The following RFX7 variants were observed in gnomAD, a reference collection of about 807,000 sequenced individuals.
RFX7 encodes DNA-binding protein RFX7.
Under a neutral mutation model 111.8 loss-of-function variants are expected in RFX7, and 26 were observed. The observed-to-expected ratio is 0.23, with a 90% CI of 0.17 to 0.32. The LOEUF (loss-of-function observed/expected upper bound fraction) is 0.32. Ranked by LOEUF, RFX7 falls within the 10% of genes least tolerant of loss-of-function variation. RFX7 has a pLI of 1.00. For synonymous variants in RFX7, 624 were observed against 624.4 expected (o/e 1.00, Z 0.01); for missense variants, 1,573 against 1,772.9 (o/e 0.89, Z 2.02).
intron 2 of RFX7, among the ~76,000 whole-genome samples, chr15:56,217,870 C>A (rs1482154018): frequency 1.3e-5 from 2 of 152,064 alleles, no homozygotes; most frequent in African/African-American, 4.8e-5. Flanking sequence ...CGTGTTTTAC[C>A]TTTGATTTTT....
chr15:56,127,874 C>G (rs1484565173), intron 5 of RFX7, among the ~76,000 whole-genome samples: 2 of 150,396 alleles, frequency 1.3e-5, no homozygotes, highest in African/African-American at 4.9e-5. Context: ...AACAAATGTT[C>G]AGCTAAGCTG....
At chr15:56,103,445 A>C (rs1367998422) in intron 6 of RFX7, 109 bp downstream of exon 6, 1 of 651,858 alleles carries the variant, frequency 1.5e-6, no homozygotes, top group Non-Finnish European at 2.6e-6. Flanking sequence ...GAGTTGCTTT[A>C]ATTTGAAGTT....
intron 3 of RFX7, among the ~76,000 whole-genome samples, chr15:56,154,802 A>G (rs1469016486): frequency 6.6e-6 from 1 of 152,234 alleles, no homozygotes; most frequent in African/African-American, 2.4e-5. Flanking sequence ...AAAACTAAAG[A>G]GCTTCTGCAC....
At chr15:56,103,786 A>AT in intron 5 of RFX7, 116 bp from the exon 6 acceptor site, 1 of 644,626 alleles carries the variant, frequency 1.6e-6, no homozygotes, top group Non-Finnish European at 2.7e-6. Flanking sequence ...CTTTCAAGTC[A>AT]TTTGCCACAA....
intron 5 of RFX7, among the ~76,000 whole-genome samples, chr15:56,114,616 CT>C (rs1281236852): frequency 2.6e-5 from 4 of 151,562 alleles, no homozygotes; most frequent in South Asian, 2.1e-4. Context: ...ATTGATAATG[CT>C]TTTTTTTGTG....
chr15:56,224,000 C>T (rs534821958), intron 2 of RFX7, among the ~76,000 whole-genome samples: 5 of 150,892 alleles, frequency 3.3e-5, no homozygotes, highest in African/African-American at 1.2e-4. Flanking sequence ...AAAATCCTGG[C>T]GTAATTTAAA....
chr15:56,177,903 TCAC>T, intron 3 of RFX7, among the ~76,000 whole-genome samples: 1 of 152,136 alleles, frequency 6.6e-6, no homozygotes, highest in Non-Finnish European at 1.5e-5. Context: ...CCACTCCCAG[TCAC>T]CACTTTTCTA....
intron 3 of RFX7, among the ~76,000 whole-genome samples, chr15:56,171,390 T>C (rs1436892790): frequency 6.6e-6 from 1 of 152,132 alleles, no homozygotes; most frequent in Non-Finnish European, 1.5e-5. Context: ...GTAGGATCAA[T>C]GTATACTCAG....
chr15:56,211,320 A>G (rs765755915), intron 2 of RFX7, among the ~76,000 whole-genome samples: 3 of 152,122 alleles, frequency 2.0e-5, no homozygotes, highest in African/African-American at 7.2e-5. Context: ...CTTTTCAACA[A>G]ATAGTGCTAG....
At chr15:56,098,850 A>G (rs2041716685) in intron 8 of RFX7, among the ~76,000 whole-genome samples, 2 of 152,254 alleles carry the variant, frequency 1.3e-5, no homozygotes, top group African/African-American at 4.8e-5. Flanking sequence ...GCCACTCCTC[A>G]TAATGGAATA....
chr15:56,223,376 T>C (rs2043446621), intron 2 of RFX7, among the ~76,000 whole-genome samples: 1 of 152,174 alleles, frequency 6.6e-6, no homozygotes, highest in Non-Finnish European at 1.5e-5. Context: ...TAGTCTCTAT[T>C]TGGGCATTAT....
intron 2 of RFX7, among the ~76,000 whole-genome samples, chr15:56,205,034 C>T (rs1277407982): frequency 6.6e-6 from 1 of 152,152 alleles, no homozygotes; most frequent in South Asian, 2.1e-4. Flanking sequence ...AGAGTATTTT[C>T]CCCTAAGAAA....
At chr15:56,238,461 G>A (rs2043648924) in intron 2 of RFX7, among the ~76,000 whole-genome samples, 1 of 152,092 alleles carries the variant, frequency 6.6e-6, no homozygotes, top group Admixed American at 6.5e-5. Context: ...TTACAGGATT[G>A]AATAAAGATA....
In RFX7 at chr15:56,175,473, A is replaced by T. The variant is rs541719123; in HGVS notation, c.195+3797T>A. Among the ~76,000 whole-genome samples the T allele has an allele frequency of 4.1e-4, 63 of 152,322 alleles. 1 individual carries two copies. Among genetic ancestry groups the T allele is most frequent in the African/African-American group, 1.5e-3 (62 of 41,590 alleles). ...ATGCCAAAAAATATATGAACCATTT[A>T]TATATCTGATATCAAGACTTTCTAT... On this transcript the variant is annotated intron_variant, in intron 3 of 9. Transcript: ENST00000559447.
rs1470539484 is a variant in RFX7, at chr15:56,095,885, T to C, written c.1843A>G (p.Thr615Ala). Reference protein sequence around the residue: ...RCNEMLPGTSTGNNQSTITLS... With the variant: ...RCNEMLPGTSAGNNQSTITLS... ...GTGATAGTGCTTTGATTATTGCCTGTTGACGTGCCTGGCAGCATTTCATTA... is the reference window on the plus strand; with the variant it reads ...GTGATAGTGCTTTGATTATTGCCTGCTGACGTGCCTGGCAGCATTTCATTA... The change falls in exon 10 of 10, where the codon ACA (threonine) becomes GCA (alanine). Residue 615 changes from threonine to alanine, a missense_variant. Around this residue, in one of 7 missense-constraint regions of RFX7, gnomAD observed 625 missense variants for 632.2 expected, o/e 0.99. Transcript: ENST00000559447. 1 of 1,605,550 alleles carries C rather than the reference T, an allele frequency of 6.2e-7. No homozygotes were observed. Among genetic ancestry groups the C allele is most frequent in the South Asian group, 1.1e-5 (1 of 91,080 alleles).
In RFX7 at chr15:56,135,013, A is replaced by G. The variant is rs1350944417; in HGVS notation, c.401+7765T>C. Among the ~76,000 whole-genome samples, 163 of 152,288 alleles carry G rather than the reference A, an allele frequency of 1.1e-3. 1 individual carries two copies. The highest frequency in any genetic ancestry group is 3.8e-3 in the African/African-American group (156 of 41,552). On this transcript the variant is annotated intron_variant, in intron 5 of 9. Coordinates refer to ENST00000559447, the MANE Select transcript of RFX7 (RefSeq NM_022841.7). ...CCACATTTTCTTAATCCGGTCTATC[A>G]TTGTTGGACATTTGGGTTGGTTCCA...
At chr15:56,200,784 G>A (rs568463000) in intron 2 of RFX7, among the ~76,000 whole-genome samples, 4 of 151,828 alleles carry the variant, frequency 2.6e-5, no homozygotes, top group East Asian at 3.9e-4. Flanking sequence ...GGCAAGCCTC[G>A]CCGTCTCAAA....
chr15:56,181,593 C>T (rs1419297717), intron 2 of RFX7, among the ~76,000 whole-genome samples: 1 of 151,972 alleles, frequency 6.6e-6, no homozygotes, highest in Non-Finnish European at 1.5e-5. Context: ...TTTCAGTCCC[C>T]CAGATGAAGA....
chr15:56,190,394 T>C (rs1439818579), intron 2 of RFX7, among the ~76,000 whole-genome samples: 1 of 152,170 alleles, frequency 6.6e-6, no homozygotes, highest in African/African-American at 2.4e-5. Flanking sequence ...CATACCAATT[T>C]CCAGGGACAG....
Sources: allele counts gnomAD v4.1 joint callset (sites outside exome capture counted in the v4.1 genomes callset), GRCh38; gene constraint gnomAD v4.1.1; regional missense constraint gnomAD v4.1.1; transcripts MANE v1.5; gene names NCBI Gene and HGNC (gene_info 2026-07-23, HGNC 2026-07-21).